Variants in PARP8 observed in about 807,000 individuals in gnomAD.
PARP8 encodes the protein protein mono-ADP-ribosyltransferase PARP8.
A neutral mutation model predicts 124.1 loss-of-function variants in PARP8; 51 were observed. The ratio of observed to expected loss-of-function variants is 0.41; its 90% CI spans 0.33 to 0.52. PARP8 has a LOEUF of 0.52. Ranked by LOEUF, PARP8 falls within the 20% of genes least tolerant of loss-of-function variation. The pLI is 0.21. For missense variants in PARP8, 860 were observed against 1,018.9 expected (o/e 0.84, Z 2.12); for synonymous variants, 391 against 361.5 (o/e 1.08, Z -0.93).
In PARP8 at chr5:50,667,140, C is replaced by T. The variant is rs745308798; in HGVS notation, c.45C>T (p.Asp15=). 1 of 1,596,372 alleles carries T rather than the reference C, an allele frequency of 6.3e-7. No individual in the cohort carries two copies. The highest frequency in any genetic ancestry group is 8.5e-7 in the Non-Finnish European group (1 of 1,179,758). ...AAGAGCGAATTCAGAAGGATATCGA[C>T]GTCGTGATCCAGAAGTCCAGAGCTG... The part of the protein sequence containing the change: ...SRQERIQKDI[D]VVIQKSRAEK... The change falls in exon 1 of 26, where the codon GAC becomes GAT. Residue 15 remains aspartate, a synonymous_variant. Transcript: ENST00000281631.
intron 10 of PARP8, among the ~76,000 whole-genome samples, chr5:50,789,080 G>A (rs1302588842): frequency 6.6e-6 from 1 of 152,144 alleles, no homozygotes; most frequent in African/African-American, 2.4e-5. Flanking sequence ...GGGGCCCAGA[G>A]GTGGTATCAG....
intron 2 of PARP8, among the ~76,000 whole-genome samples, chr5:50,728,521 T>C (rs187711386): frequency 3.3e-5 from 5 of 152,234 alleles, no homozygotes; most frequent in African/African-American, 9.6e-5. Flanking sequence ...CTTGTTTTCA[T>C]AGGAATCACA....
rs1464951020 is a variant in PARP8 at position 50,845,370 on chromosome 5, C to T, written c.*3302C>T. The T allele has an allele frequency of 6.6e-6, 1 of 151,650 alleles. No homozygotes were observed. The highest frequency in any genetic ancestry group is 1.5e-5 in the Non-Finnish European group (1 of 67,764). The allele number at this position is 151,650 out of a possible 1,614,324, so 9.4% of individuals were successfully genotyped here. A position where few individuals can be genotyped will look rare whatever the true frequency, so the allele number is the denominator to read the frequency against. On this transcript the variant is annotated 3_prime_UTR_variant, in exon 26 of 26. Coordinates refer to ENST00000281631, the MANE Select transcript of PARP8 (RefSeq NM_024615.4). Reference sequence around the variant, plus strand: ...AATATGTCATGAAGGGGACACTCAACATTGGGTCATCTACCGTCTAAATAA... The same window carrying T: ...AATATGTCATGAAGGGGACACTCAATATTGGGTCATCTACCGTCTAAATAA...
At chr5:50,753,275 T>G (rs1203589338) in intron 3 of PARP8, among the ~76,000 whole-genome samples, 2 of 152,062 alleles carry the variant, frequency 1.3e-5, no homozygotes, top group African/African-American at 4.8e-5. Context: ...GTGGACTCTC[T>G]TATCCCTAGT....
chr5:50,819,430 T>C (rs13154906), intron 15 of PARP8, among the ~76,000 whole-genome samples: 2 of 97,374 alleles, frequency 2.1e-5, no homozygotes, highest in Non-Finnish European at 2.0e-5. Context: ...TTATCTTCTT[T>C]TTTTTTTTTT....
intron 2 of PARP8, among the ~76,000 whole-genome samples, chr5:50,748,548 C>T (rs1758868726): frequency 6.6e-6 from 1 of 152,126 alleles, no homozygotes; most frequent in Non-Finnish European, 1.5e-5. Flanking sequence ...TGCAGGTCTG[C>T]TGGGGACCAA....
rs760737712 is a variant in PARP8 at position 50,822,337 on chromosome 5, A to G, written c.1797A>G (p.Lys599=). 20 of 1,609,244 alleles carry G rather than the reference A, an allele frequency of 1.2e-5. No homozygotes were observed. Among genetic ancestry groups the G allele is most frequent in the Admixed American group, 3.4e-5 (2 of 59,698 alleles). ...AACATCACTTTTTCATTAAACAGAA[A>G]AAGAACTATGATCGAGTAATGAAAG... ...DPQMLAFNPR[K]KNYDRVMKAL... is the part of the protein sequence containing the mutation. The change falls in exon 17 of 26, where the codon AAA becomes AAG. Residue 599 remains lysine, a splice_region_variant and synonymous_variant. Transcript: ENST00000281631.
chr5:50,769,422 G>A (rs1277916653), intron 7 of PARP8, among the ~76,000 whole-genome samples: 1 of 151,808 alleles, frequency 6.6e-6, no homozygotes, highest in East Asian at 1.9e-4. Flanking sequence ...TGAGAATGTA[G>A]GAAAAGGTCA....
chr5:50,811,995 A>G (rs888099263), intron 14 of PARP8, among the ~76,000 whole-genome samples: 4 of 152,116 alleles, frequency 2.6e-5, no homozygotes, highest in Admixed American at 2.6e-4. Context: ...TCATTGATGG[A>G]CATTTGGGTT....
At chr5:50,818,749 A>G (rs547352027) in intron 15 of PARP8, among the ~76,000 whole-genome samples, 1 of 152,268 alleles carries the variant, frequency 6.6e-6, no homozygotes, top group East Asian at 1.9e-4. Flanking sequence ...AAGGAATATA[A>G]ATCCAAATTG....
intron 2 of PARP8, among the ~76,000 whole-genome samples, chr5:50,698,650 G>C (rs1325249089): frequency 1.3e-5 from 2 of 152,082 alleles, no homozygotes. Flanking sequence ...AGAATAATCA[G>C]TCTTTTATCC....
At chr5:50,683,323 A>G (rs1319663111) in intron 2 of PARP8, among the ~76,000 whole-genome samples, 1 of 152,176 alleles carries the variant, frequency 6.6e-6, no homozygotes, top group Non-Finnish European at 1.5e-5. Flanking sequence ...AATTAAATTT[A>G]AAAGAAAGTA....
rs140509305 is a variant in PARP8 at position 50,783,508 on chromosome 5, A to T, written c.670+4858A>T. 1.1e-4 allele frequency among the ~76,000 whole-genome samples: 16 copies of T among 152,310 alleles called. No individual in the cohort carries two copies. The East Asian group carries it at 3.1e-3, about 29-fold the overall frequency. ...TCTCTTAACCACTTCTGTTGCTAAGATAGCAACAGAATTGTTGGCCCTGTT... is the reference window on the plus strand; with the variant it reads ...TCTCTTAACCACTTCTGTTGCTAAGTTAGCAACAGAATTGTTGGCCCTGTT... On this transcript the variant is annotated intron_variant, in intron 9 of 25. Coordinates refer to ENST00000281631, the MANE Select transcript of PARP8 (RefSeq NM_024615.4).
intron 4 of PARP8, 101 bp downstream of exon 4, chr5:50,759,833 C>A: frequency 1.6e-6 from 2 of 1,273,996 alleles, no homozygotes; most frequent in Non-Finnish European, 2.1e-6. Context: ...AGATATTTAT[C>A]TTCTGTGTCT....
Position 50,794,596 on chromosome 5 carries a change from G to A in PARP8, c.864-257G>A, listed in dbSNP as rs1375461012. 2.0e-5 allele frequency among the ~76,000 whole-genome samples: 3 copies of A among 151,910 alleles called. No individual in the cohort carries two copies. In the East Asian group the frequency reaches 5.8e-4, roughly 29 times the overall value. On this transcript the variant is annotated intron_variant, in intron 11 of 25. Coordinates refer to ENST00000281631, the MANE Select transcript of PARP8 (RefSeq NM_024615.4). ...CCTAGAGTTTTTCCTACCAAAATTAGTTTCATTATAGGGCTTTGGGATAGA... is the reference window on the plus strand; with the variant it reads ...CCTAGAGTTTTTCCTACCAAAATTAATTTCATTATAGGGCTTTGGGATAGA...
intron 9 of PARP8, among the ~76,000 whole-genome samples, chr5:50,786,092 C>G (rs1741215332): frequency 6.6e-6 from 1 of 151,772 alleles, no homozygotes; most frequent in African/African-American, 2.4e-5. Context: ...CCTCAAATGC[C>G]TCTTCAGTTT....
At chr5:50,768,382 A>G (rs1397536291) in intron 7 of PARP8, among the ~76,000 whole-genome samples, 1 of 152,234 alleles carries the variant, frequency 6.6e-6, no homozygotes, top group Non-Finnish European at 1.5e-5. Context: ...TTAAATATCC[A>G]AAATCAAATT....
At chr5:50,686,594 G>A (rs1424891190) in intron 2 of PARP8, among the ~76,000 whole-genome samples, 2 of 152,208 alleles carry the variant, frequency 1.3e-5, no homozygotes, top group Non-Finnish European at 2.9e-5. Context: ...CTTCCACACT[G>A]CCCTAGCAGA....
chr5:50,815,130 G>A (rs1744955704), intron 14 of PARP8, among the ~76,000 whole-genome samples: 1 of 152,088 alleles, frequency 6.6e-6, no homozygotes, highest in Non-Finnish European at 1.5e-5. Flanking sequence ...AAATGTGTAT[G>A]AAAGCACGAG....
Sources: gnomAD v4.1 joint callset for allele counts (sites outside exome capture counted in the v4.1 genomes callset) on GRCh38, gnomAD v4.1.1 for gene constraint, MANE v1.5 for transcripts, NCBI Gene and HGNC (gene_info 2026-07-23, HGNC 2026-07-21) for gene names.